Variants in FSTL5 observed in about 807,000 individuals in gnomAD.
FSTL5 encodes follistatin-related protein 5.
Under a neutral mutation model 89.1 loss-of-function variants are expected in FSTL5, and 62 were observed. That is an observed-to-expected ratio of 0.70 (90% CI 0.57 to 0.86). The LOEUF is 0.86. FSTL5 is among the 40% of genes least tolerant of loss of function. FSTL5 has a pLI of 0.00. For synonymous variants in FSTL5, 383 were observed against 346.2 expected (o/e 1.11, Z -1.18); for missense variants, 1,057 against 1,001.6 (o/e 1.06, Z -0.75).
chr4:161,609,239 CAG>C, intron 7 of FSTL5, among the ~76,000 whole-genome samples: 1 of 152,158 alleles, frequency 6.6e-6, no homozygotes, highest in African/African-American at 2.4e-5. Flanking sequence ...TTTTAGCTCA[CAG>C]GGATTTATTT....
chr4:161,977,666 T>TAAA (rs1553988134), intron 3 of FSTL5, among the ~76,000 whole-genome samples: 6 of 131,708 alleles, frequency 4.6e-5, no homozygotes, highest in Non-Finnish European at 7.9e-5. Context: ...ATAATAATAA[T>TAAA]AAATTATTTT....
chr4:161,522,564 T>C (rs1731075165), intron 10 of FSTL5, among the ~76,000 whole-genome samples: 1 of 151,412 alleles, frequency 6.6e-6, no homozygotes, highest in African/African-American at 2.4e-5. Context: ...ACATATTACA[T>C]ACATATATAA....
At chr4:161,432,228 G>C (rs1171036450) in intron 15 of FSTL5, among the ~76,000 whole-genome samples, 1 of 151,862 alleles carries the variant, frequency 6.6e-6, no homozygotes, top group African/African-American at 2.4e-5. Flanking sequence ...GTCTTAAAAC[G>C]TTAAAAAACT....
At chr4:161,581,717 A>T (rs1252907390) in intron 8 of FSTL5, among the ~76,000 whole-genome samples, 1 of 152,236 alleles carries the variant, frequency 6.6e-6, no homozygotes, top group Non-Finnish European at 1.5e-5. Context: ...GGTAAAACCA[A>T]CAAACAACAA....
chr4:161,510,371 C>G, intron 11 of FSTL5, 27 bp downstream of exon 11: 1 of 1,437,648 alleles, frequency 7.0e-7, no homozygotes, highest in Non-Finnish European at 9.4e-7. Flanking sequence ...AAAATTGTCA[C>G]AACATAAAAA....
intron 1 of FSTL5, among the ~76,000 whole-genome samples, chr4:162,124,548 G>A (rs1192095794): frequency 6.6e-6 from 1 of 152,122 alleles, no homozygotes; most frequent in Non-Finnish European, 1.5e-5. Context: ...CTTCTTCTGG[G>A]CAGAGGATGA....
At chr4:161,552,879 A>T (rs564303113) in intron 8 of FSTL5, among the ~76,000 whole-genome samples, 107 of 151,832 alleles carry the variant, frequency 7.0e-4, no homozygotes, top group African/African-American at 2.3e-3. Context: ...AGCCTGAATT[A>T]AAAAAGTCAA....
intron 11 of FSTL5, among the ~76,000 whole-genome samples, chr4:161,510,189 T>G (rs1730606395): frequency 6.6e-6 from 1 of 152,172 alleles, no homozygotes; most frequent in Admixed American, 6.6e-5. Flanking sequence ...AATGACACTT[T>G]CTGGCTATGT....
intron 15 of FSTL5, among the ~76,000 whole-genome samples, chr4:161,433,169 A>C (rs1294709516): frequency 6.6e-6 from 1 of 152,022 alleles, no homozygotes; most frequent in African/African-American, 2.4e-5. Context: ...TTGATGTAAA[A>C]ATCCTCAATG....
At chr4:161,811,291 G>C (rs912059819) in intron 4 of FSTL5, among the ~76,000 whole-genome samples, 2 of 152,140 alleles carry the variant, frequency 1.3e-5, no homozygotes, top group Non-Finnish European at 2.9e-5. Context: ...AAGCAAGAGA[G>C]AGTTAAAAAT....
intron 10 of FSTL5, among the ~76,000 whole-genome samples, chr4:161,521,306 T>C (rs1364423741): frequency 6.6e-6 from 1 of 152,102 alleles, no homozygotes; most frequent in Non-Finnish European, 1.5e-5. Context: ...ATTATAAAAA[T>C]GTCTCAAGTC....
chr4:161,842,543 C>A (rs540951787), intron 4 of FSTL5, among the ~76,000 whole-genome samples: 1 of 151,898 alleles, frequency 6.6e-6, no homozygotes, highest in East Asian at 1.9e-4. Flanking sequence ...CTAAACTTGC[C>A]CCTAATTAAT....
intron 8 of FSTL5, among the ~76,000 whole-genome samples, chr4:161,581,075 T>C (rs1733421127): frequency 1.3e-5 from 2 of 152,148 alleles, no homozygotes; most frequent in Admixed American, 6.6e-5. Context: ...AAATCAAAAT[T>C]AAAAGAATAA....
chr4:161,630,559 C>G (rs1735469965), intron 7 of FSTL5, among the ~76,000 whole-genome samples: 1 of 152,102 alleles, frequency 6.6e-6, no homozygotes, highest in South Asian at 2.1e-4. Context: ...ACAATTGTAA[C>G]TGGAAATTTG....
intron 3 of FSTL5, among the ~76,000 whole-genome samples, chr4:161,933,707 C>T (rs918876366): frequency 1.3e-5 from 2 of 151,782 alleles, no homozygotes; most frequent in Middle Eastern, 3.4e-3. Context: ...TAAACCTCAA[C>T]TCGTCTATCA....
chr4:161,844,167 T>C (rs1731296721), intron 4 of FSTL5, among the ~76,000 whole-genome samples: 1 of 152,126 alleles, frequency 6.6e-6, no homozygotes, highest in South Asian at 2.1e-4. Flanking sequence ...AAGACATATA[T>C]GCAGCCAATA....
intron 4 of FSTL5, among the ~76,000 whole-genome samples, chr4:161,889,801 G>A (rs958647418): frequency 6.6e-6 from 1 of 152,096 alleles, no homozygotes; most frequent in African/African-American, 2.4e-5. Context: ...AATGGCCAAA[G>A]AATACAGGCC....
intron 10 of FSTL5, among the ~76,000 whole-genome samples, chr4:161,530,377 T>C (rs1192105748): frequency 7.0e-6 from 1 of 142,528 alleles, no homozygotes; most frequent in Non-Finnish European, 1.5e-5. Flanking sequence ...TAATAATTAT[T>C]AACTTACATA....
At chr4:161,484,480 G>A (rs1019462712) in intron 12 of FSTL5, among the ~76,000 whole-genome samples, 1 of 152,076 alleles carries the variant, frequency 6.6e-6, no homozygotes, top group Non-Finnish European at 1.5e-5. Flanking sequence ...ATAAATTTAA[G>A]AAACACTTCA....
Sources: allele counts gnomAD v4.1 joint callset (sites outside exome capture counted in the v4.1 genomes callset), GRCh38; gene constraint gnomAD v4.1.1; transcripts MANE v1.5; gene names NCBI Gene and HGNC (gene_info 2026-07-23, HGNC 2026-07-21).